NECTIN3: variants seen among roughly 807,000 people sequenced by gnomAD.
NECTIN3 encodes the protein nectin-3.
NECTIN3 carries 8 observed loss-of-function variants against 49.4 expected under a neutral mutation model. That is an observed-to-expected ratio of 0.16 (90% CI 0.10 to 0.29). The LOEUF (loss-of-function observed/expected upper bound fraction) is 0.29, where lower values mean the gene tolerates loss of function less well. Ranked by LOEUF, NECTIN3 falls within the 10% of genes least tolerant of loss-of-function variation. The pLI is 1.00. For synonymous variants in NECTIN3, 277 were observed against 241.1 expected, an observed-to-expected ratio of 1.15 and a Z score of -1.38; for missense variants, 581 against 654.6, an observed-to-expected ratio of 0.89 and a Z score of 1.23.
chr3:111,193,924 A>G (rs1232146679), intron 1 of NECTIN3, among the ~76,000 whole-genome samples: 1 of 152,204 alleles, frequency 6.6e-6, no homozygotes, highest in Non-Finnish European at 1.5e-5. Context: ...CCAAACAGCA[A>G]CAAAAGGCAG....
intron 7 of NECTIN3, among the ~76,000 whole-genome samples, chr3:111,180,194 A>C (rs1227595250): frequency 1.8e-4 from 27 of 152,220 alleles, no homozygotes. Flanking sequence ...GGATATAGCT[A>C]AATGATTAGC....
chr3:111,164,887 C>G (rs1263022724), intron 7 of NECTIN3, among the ~76,000 whole-genome samples: 2 of 152,234 alleles, frequency 1.3e-5, no homozygotes, highest in East Asian at 3.9e-4. Context: ...TCAACACACA[C>G]CACCATGTAA....
intron 3 of NECTIN3, among the ~76,000 whole-genome samples, chr3:111,121,035 C>T (rs368975250): frequency 7.2e-6 from 1 of 139,776 alleles, no homozygotes; most frequent in Non-Finnish European, 1.5e-5. Flanking sequence ...TGGAGTCTCA[C>T]TCTGTCGCCC....
chr3:111,168,174 A>C (rs930986570), intron 7 of NECTIN3, among the ~76,000 whole-genome samples: 1 of 152,034 alleles, frequency 6.6e-6, no homozygotes, highest in African/African-American at 2.4e-5. Context: ...TAAGGGGAAA[A>C]AATAACATAC....
chr3:111,112,716 C>T (rs1478202638), intron 2 of NECTIN3, among the ~76,000 whole-genome samples: 1 of 151,966 alleles, frequency 6.6e-6, no homozygotes, highest in Non-Finnish European at 1.5e-5. Flanking sequence ...AAATTACCAT[C>T]TTAAATTTTT....
chr3:111,139,701 C>T (rs148702884), downstream of NECTIN3, among the ~76,000 whole-genome samples: 105 of 151,864 alleles, frequency 6.9e-4, no homozygotes, highest in African/African-American at 2.5e-3. Flanking sequence ...ATCATAACCT[C>T]ACATCTTCTT....
intron 5 of NECTIN3, among the ~76,000 whole-genome samples, chr3:111,143,158 C>T (rs1241181629): frequency 6.6e-6 from 1 of 151,774 alleles, no homozygotes; most frequent in African/African-American, 2.4e-5. Flanking sequence ...TCCCAAATCT[C>T]TCTCACATTT....
At chr3:111,107,715 G>C (rs2033246190) in intron 1 of NECTIN3, among the ~76,000 whole-genome samples, 2 of 152,112 alleles carry the variant, frequency 1.3e-5, no homozygotes, top group Non-Finnish European at 2.9e-5. Flanking sequence ...GTAGTAGTAG[G>C]CTTAAAGATT....
At chr3:111,154,161 C>T (rs113283205) in intron 7 of NECTIN3, among the ~76,000 whole-genome samples, 1 of 152,138 alleles carries the variant, frequency 6.6e-6, no homozygotes, top group Non-Finnish European at 1.5e-5. Flanking sequence ...AATCTCCCCC[C>T]TCTAGTCCTT....
In NECTIN3 at chr3:111,133,820, G is replaced by C. The variant is rs1300645407; in HGVS notation, c.1255G>C (p.Val419Leu). 1.2e-6 allele frequency: 2 copies of C among 1,613,950 alleles called. No individual in the cohort carries two copies. Among genetic ancestry groups the C allele is most frequent in the South Asian group, 1.1e-5 (1 of 91,076 alleles). Residue 419 changes from valine (V) to leucine (L), a missense_variant, in exon 6 of 6, where the codon GTA becomes CTA. By Grantham distance (32) the Val-to-Leu change is conservative (BLOSUM62 1). Around this residue, in one of 3 missense-constraint regions of NECTIN3, gnomAD observed 238 missense variants for 244.9 expected, o/e 0.97. Transcript: ENST00000485303. ...VVGGALFIVL[V>L]SVLAGIFCYR... ...GGGTGGGGCTCTCTTCATAGTACTT[G>C]TAAGTGTTTTGGCTGGAATATTCTG...
chr3:111,140,402 C>A (rs1385634819), downstream of NECTIN3, among the ~76,000 whole-genome samples: 1 of 151,234 alleles, frequency 6.6e-6, no homozygotes, highest in Non-Finnish European at 1.5e-5. Flanking sequence ...GATTGCCATG[C>A]AAATTTTACT....
At chr3:111,083,068 G>C (rs1426863423) in intron 1 of NECTIN3, among the ~76,000 whole-genome samples, 1 of 152,098 alleles carries the variant, frequency 6.6e-6, no homozygotes, top group African/African-American at 2.4e-5. Flanking sequence ...GGGAGTGGCT[G>C]GTGAATACAG....
At chr3:111,131,282 A>G (rs1172378165) in intron 5 of NECTIN3, among the ~76,000 whole-genome samples, 2 of 151,988 alleles carry the variant, frequency 1.3e-5, no homozygotes, top group Admixed American at 1.3e-4. Flanking sequence ...TTATATACTC[A>G]TTTATCACAC....
At chr3:111,124,223 A>G (rs550711735) in intron 4 of NECTIN3, among the ~76,000 whole-genome samples, 1 of 152,236 alleles carries the variant, frequency 6.6e-6, no homozygotes, top group South Asian at 2.1e-4. Flanking sequence ...TCTCATCCCA[A>G]TGTCTAAACT....
intron 1 of NECTIN3, among the ~76,000 whole-genome samples, chr3:111,107,526 G>T (rs2033236991): frequency 6.6e-6 from 1 of 152,154 alleles, no homozygotes; most frequent in Non-Finnish European, 1.5e-5. Context: ...CTTGCTAGAT[G>T]TGGAAGATTC....
At chr3:111,167,791 CA>C (rs1474769823) in intron 7 of NECTIN3, among the ~76,000 whole-genome samples, 3 of 152,108 alleles carry the variant, frequency 2.0e-5, no homozygotes, top group African/African-American at 7.2e-5. Context: ...CCACAGACAT[CA>C]GTGTACGTAA....
At chr3:111,089,761 T>C (rs763222103) in intron 1 of NECTIN3, among the ~76,000 whole-genome samples, 2 of 152,128 alleles carry the variant, frequency 1.3e-5, no homozygotes, top group African/African-American at 4.8e-5. Context: ...TGTATGTATG[T>C]GTATATGAGT....
chr3:111,118,873 A>G lies in NECTIN3; in HGVS notation c.720A>G (p.Arg240=). 1 of 1,614,202 alleles carries G rather than the reference A, an allele frequency of 6.2e-7. No individual in the cohort carries two copies. The highest frequency in any genetic ancestry group is 8.5e-7 in the Non-Finnish European group (1 of 1,180,032). ...QYKLFPTRFA[R]GRRITCVVKH... Reference sequence around the variant, plus strand: ...AGCTATTTCCAACCAGATTTGCTAGAGGAAGGCGAATTACTTGTGTTGTAA... The same window carrying G: ...AGCTATTTCCAACCAGATTTGCTAGGGGAAGGCGAATTACTTGTGTTGTAA... The change falls in exon 3 of 6, where the codon AGA becomes AGG. Residue 240 remains arginine (R), a synonymous_variant. Coordinates refer to ENST00000485303, the MANE Select transcript of NECTIN3 (RefSeq NM_015480.3).
chr3:111,093,576 A>T (rs1051815215), intron 1 of NECTIN3, among the ~76,000 whole-genome samples: 1 of 152,048 alleles, frequency 6.6e-6, no homozygotes, highest in East Asian at 1.9e-4. Context: ...CTAGGATTAC[A>T]GGCACGTGCC....
Sources: gnomAD v4.1 joint callset for allele counts (sites outside exome capture counted in the v4.1 genomes callset) on GRCh38, gnomAD v4.1.1 for gene constraint, gnomAD v4.1.1 regional missense constraint, MANE v1.5 for transcripts, NCBI Gene and HGNC (gene_info 2026-07-23, HGNC 2026-07-21) for gene names.